GSR: variants seen among roughly 807,000 people sequenced by gnomAD.
The protein encoded by GSR is glutathione-disulfide reductase.
In GSR, 48 loss-of-function variants were observed where a neutral mutation model predicts 56.5. The observed-to-expected ratio is 0.85, with a 90% CI of 0.67 to 1.08. GSR has a LOEUF of 1.08. GSR is among the 50% of genes least tolerant of loss of function. The pLI is 0.00. For missense variants in GSR, 694 were observed against 703.3 expected, an observed-to-expected ratio of 0.99 and a Z score of 0.15; for synonymous variants, 264 against 270.8, an observed-to-expected ratio of 0.97 and a Z score of 0.25.
intron 5 of GSR, among the ~76,000 whole-genome samples, chr8:30,702,892 C>G (rs1420193222): frequency 6.6e-6 from 1 of 152,018 alleles, no homozygotes; most frequent in African/African-American, 2.4e-5. Context: ...GAGCCAAGAT[C>G]GTGCCACTGC....
chr8:30,681,722 A>G (rs1411381989), intron 11 of GSR, among the ~76,000 whole-genome samples: 2 of 152,276 alleles, frequency 1.3e-5, no homozygotes, highest in East Asian at 3.9e-4. Context: ...AAAAAAGATC[A>G]AAGAGATAGG....
intron 5 of GSR, 58 bp downstream of exon 5, chr8:30,703,035 G>T: frequency 6.4e-7 from 1 of 1,562,376 alleles, no homozygotes; most frequent in Non-Finnish European, 8.8e-7. Context: ...GGCTTTTCAG[G>T]TTGAAAGCAA....
Position 30,727,758 on chromosome 8 carries a change from GA to G in GSR, c.77del (p.Phe26SerfsTer44). The G allele has an allele frequency of 7.2e-7, 1 of 1,380,474 alleles. No individual in the cohort carries two copies. Among genetic ancestry groups the G allele is most frequent in the Non-Finnish European group, 9.4e-7 (1 of 1,067,306 alleles). 85.5% of individuals were successfully genotyped at this position (1,380,474 alleles called of 1,614,324 possible). A position where few individuals can be genotyped will look rare whatever the true frequency, so the allele number is the denominator to read the frequency against. The stretch of plus-strand genomic sequence containing the variant: ...CCGCGGGCTCGGGCAGAAGCAGCAG[GA>G]AGCCTCGGAAGGCGCGCGCCGCCCG... ...WRRAARAFRG[F>X]LLLLPEPAAL... On this transcript the variant is annotated frameshift_variant, in exon 1 of 13. Coordinates refer to ENST00000221130, the MANE Select transcript of GSR (RefSeq NM_000637.5). LOFTEE classifies it high-confidence loss of function.
intron 1 of GSR, among the ~76,000 whole-genome samples, chr8:30,715,171 T>C (rs1804288315): frequency 6.6e-6 from 1 of 152,106 alleles, no homozygotes; most frequent in Non-Finnish European, 1.5e-5. Flanking sequence ...TGCATGCCCG[T>C]AGTTCCAGCT....
chr8:30,696,324 T>C, intron 7 of GSR, 56 bp downstream of exon 7: 1 of 1,200,086 alleles, frequency 8.3e-7, no homozygotes, highest in African/African-American at 1.5e-5. Context: ...TAAGAAAAAA[T>C]TCTTCATTTT....
At chr8:30,721,678 G>A (rs1043102046) in intron 1 of GSR, among the ~76,000 whole-genome samples, 14 of 150,556 alleles carry the variant, frequency 9.3e-5, no homozygotes. Context: ...AAGCCAAAGG[G>A]TATCAGTATT....
chr8:30,723,084 A>T (rs1253920133), intron 1 of GSR, among the ~76,000 whole-genome samples: 2 of 152,164 alleles, frequency 1.3e-5, no homozygotes, highest in African/African-American at 4.8e-5. Context: ...CTTATCACAG[A>T]ATCAGTACAC....
rs187135182 is a variant in GSR at position 30,711,634 on chromosome 8, C to T, written c.333+428G>A. ...ATCACCTGAGGTCAGGAGTTCGAGACCAGCCTGGCCAACACGGTGAAACCC... is the reference window on the plus strand; with the variant it reads ...ATCACCTGAGGTCAGGAGTTCGAGATCAGCCTGGCCAACACGGTGAAACCC... On this transcript the variant is annotated intron_variant, in intron 2 of 12. Transcript: ENST00000221130. Among the ~76,000 whole-genome samples, 28 of 152,144 alleles carry T rather than the reference C, an allele frequency of 1.8e-4. 1 individual carries two copies. Among genetic ancestry groups the T allele is most frequent in the African/African-American group, 6.3e-4 (26 of 41,506 alleles).
intron 12 of GSR, 125 bp from the exon 13 acceptor site, chr8:30,679,794 C>T: frequency 1.2e-6 from 1 of 822,268 alleles, no homozygotes; most frequent in Non-Finnish European, 2.0e-6. Flanking sequence ...CAACCTCCAC[C>T]TCCCGGGTTC....
chr8:30,689,392 A>T (rs1803284445), intron 8 of GSR, 73 bp from the exon 9 acceptor site: 19 of 1,190,200 alleles, frequency 1.6e-5, no homozygotes, highest in Non-Finnish European at 2.4e-5. Context: ...AAGCAAATAC[A>T]GAGGAAACTA....
At position 30,681,448 on chromosome 8, in the gene GSR, C is replaced by T. The variant is rs181806270; in HGVS notation, c.1286-411G>A. ...GGCTGAGGCAGAAGAATTGCTTGAA[C>T]CCAGAGGCGGAGGTTGCAGTGAGCA... On this transcript the variant is annotated intron_variant, in intron 11 of 12. Coordinates refer to ENST00000221130, the MANE Select transcript of GSR (RefSeq NM_000637.5). Among the ~76,000 whole-genome samples the T allele has an allele frequency of 3.2e-3, 492 of 152,100 alleles. 5 individuals carry two copies. Among genetic ancestry groups the T allele is most frequent in the African/African-American group, 0.011 (447 of 41,478 alleles).
chr8:30,710,020 T>G (rs1232544035), intron 2 of GSR, 118 bp from the exon 3 acceptor site: 2 of 691,838 alleles, frequency 2.9e-6, no homozygotes, highest in African/African-American at 3.6e-5. Context: ...GCCCTTTAAA[T>G]TAAAAACAAA....
At chr8:30,720,226 T>G (rs1201323021) in intron 1 of GSR, among the ~76,000 whole-genome samples, 3 of 151,872 alleles carry the variant, frequency 2.0e-5, no homozygotes, top group African/African-American at 4.8e-5. Context: ...AAAAAATTGT[T>G]AACTTCCTTC....
intron 8 of GSR, among the ~76,000 whole-genome samples, chr8:30,692,532 G>A (rs1400319449): frequency 2.7e-5 from 3 of 112,718 alleles, no homozygotes; most frequent in Admixed American, 2.6e-4. Context: ...ACGGAGTCTC[G>A]CTCTTGTCGC....
Position 30,708,052 on chromosome 8 carries a change from T to C in GSR, c.492+20A>G. ...GAAGGGAACAGCTCTTTCTCAAAGT[T>C]AAAAACCCAGCATACACACCTTGGT... On this transcript the variant is annotated intron_variant, in intron 4 of 12. Coordinates refer to ENST00000221130, the MANE Select transcript of GSR (RefSeq NM_000637.5). 6.3e-7 allele frequency: 1 copy of C among 1,581,648 alleles called. No homozygotes were observed. Among genetic ancestry groups the C allele is most frequent in the Non-Finnish European group, 8.7e-7 (1 of 1,150,486 alleles).
At chr8:30,718,282 T>C (rs2911670) in intron 1 of GSR, among the ~76,000 whole-genome samples, 132,798 of 152,022 alleles carry the variant, frequency 0.87, 58,673 homozygotes, top group Non-Finnish European at 0.94. Context: ...ATCAGGTTGT[T>C]AGAGGGAGCA....
intron 1 of GSR, among the ~76,000 whole-genome samples, chr8:30,714,509 T>A (rs8190927): frequency 0.011 from 1,649 of 149,976 alleles, 30 homozygotes; most frequent in Admixed American, 0.052. Flanking sequence ...ATATACTTTT[T>A]AAAAAAAAAT....
At chr8:30,684,340 C>T (rs919807056) in intron 9 of GSR, 141 bp from the exon 10 acceptor site, 11 of 723,434 alleles carry the variant, frequency 1.5e-5, no homozygotes, top group Middle Eastern at 2.3e-4. Context: ...AGCTGCAACA[C>T]GAAAGGCATT....
In GSR at chr8:30,684,217, T is replaced by C; in HGVS notation, c.1042-18A>G. On this transcript the variant is annotated intron_variant, in intron 9 of 12. Transcript: ENST00000221130. ...TGAATCCCCTAAAATTACAAAGAGA[T>C]ATCATGTAACCACTTGGCCCACCTA... The C allele has an allele frequency of 7.1e-7, 1 of 1,410,886 alleles. No individual in the cohort carries two copies. The highest frequency in any genetic ancestry group is 1.0e-6 in the Non-Finnish European group (1 of 994,198). 87.4% of individuals were successfully genotyped at this position (1,410,886 alleles called of 1,614,324 possible).
Sources: gnomAD v4.1 joint callset for allele counts (sites outside exome capture counted in the v4.1 genomes callset) on GRCh38, gnomAD v4.1.1 for gene constraint, MANE v1.5 for transcripts, NCBI Gene and HGNC (gene_info 2026-07-23, HGNC 2026-07-21) for gene names.